The following LRP1B variants were observed in gnomAD, a reference collection of about 807,000 sequenced individuals.
LRP1B encodes LDL receptor related protein 1B.
Under a neutral mutation model 556.6 loss-of-function variants are expected in LRP1B, and 217 were observed. That is an observed-to-expected ratio of 0.39 (90% CI 0.35 to 0.44). The LOEUF (loss-of-function observed/expected upper bound fraction) is 0.44, where lower values mean the gene tolerates loss of function less well. Among genes scored for constraint, LRP1B ranks in the 20% least tolerant of loss-of-function variants. LRP1B has a pLI of 1.00. For synonymous variants in LRP1B, 2,047 were observed against 1,865.8 expected, an observed-to-expected ratio of 1.10 and a Z score of -2.50; for missense variants, 5,053 against 5,620.8, an observed-to-expected ratio of 0.90 and a Z score of 3.23.
chr2:141,106,241 T>C (rs534687649), intron 7 of LRP1B, among the ~76,000 whole-genome samples: 36 of 152,330 alleles, frequency 2.4e-4, no homozygotes, highest in African/African-American at 7.9e-4. Flanking sequence ...CTTCATTTTG[T>C]ATTCTAAATA....
At chr2:141,098,687 C>T (rs1444995687) in intron 7 of LRP1B, among the ~76,000 whole-genome samples, 1 of 151,182 alleles carries the variant, frequency 6.6e-6, no homozygotes, top group African/African-American at 2.4e-5. Flanking sequence ...GACGGAGTTT[C>T]ACTCTTGTTG....
intron 3 of LRP1B, among the ~76,000 whole-genome samples, chr2:141,311,786 G>A (rs2105450253): frequency 6.6e-6 from 1 of 152,234 alleles, no homozygotes; most frequent in East Asian, 1.9e-4. Context: ...AGAATTGTAA[G>A]AATAAATTTA....
chr2:140,682,634 G>A (rs1331760282), intron 41 of LRP1B, among the ~76,000 whole-genome samples: 4 of 151,818 alleles, frequency 2.6e-5, no homozygotes, highest in Non-Finnish European at 4.4e-5. Flanking sequence ...AATCATTTGT[G>A]GGAACTGGAA....
intron 1 of LRP1B, among the ~76,000 whole-genome samples, chr2:142,050,713 C>T (rs1181573994): frequency 6.6e-6 from 1 of 152,120 alleles, no homozygotes; most frequent in Non-Finnish European, 1.5e-5. Flanking sequence ...AAGTAAAACT[C>T]CCACCTATGC....
intron 3 of LRP1B, among the ~76,000 whole-genome samples, chr2:141,468,881 G>T (rs1016899573): frequency 6.6e-6 from 1 of 152,050 alleles, no homozygotes; most frequent in African/African-American, 2.4e-5. Flanking sequence ...TCAAGCCTTG[G>T]CTCGCAAGCA....
intron 7 of LRP1B, among the ~76,000 whole-genome samples, chr2:141,102,348 T>C (rs533501585): frequency 2.8e-4 from 42 of 152,316 alleles, no homozygotes; most frequent in African/African-American, 1.0e-3. Context: ...CAGGTCATAC[T>C]ATGAGCCTAA....
At chr2:141,097,383 T>C (rs1192968174) in intron 7 of LRP1B, among the ~76,000 whole-genome samples, 1 of 152,120 alleles carries the variant, frequency 6.6e-6, no homozygotes, top group African/African-American at 2.4e-5. Flanking sequence ...ACCAAAAGCT[T>C]CTATTAAGCA....
At chr2:141,237,532 T>C (rs1450788964) in intron 5 of LRP1B, among the ~76,000 whole-genome samples, 1 of 152,038 alleles carries the variant, frequency 6.6e-6, no homozygotes, top group Admixed American at 6.6e-5. Context: ...ATCTTTGGCA[T>C]TGTAAAAACT....
At chr2:140,998,022 A>G (rs538800670) in intron 15 of LRP1B, among the ~76,000 whole-genome samples, 3 of 152,134 alleles carry the variant, frequency 2.0e-5, no homozygotes, top group African/African-American at 7.2e-5. Flanking sequence ...ACTGCCTTAA[A>G]CTTTTTACTA....
At chr2:141,957,825 G>A (rs1286541166) in intron 1 of LRP1B, among the ~76,000 whole-genome samples, 2 of 152,058 alleles carry the variant, frequency 1.3e-5, no homozygotes, top group South Asian at 2.1e-4. Context: ...GATTTTGCCA[G>A]CACAGATCAT....
chr2:141,363,319 G>A (rs1688904294), intron 3 of LRP1B, among the ~76,000 whole-genome samples: 1 of 152,132 alleles, frequency 6.6e-6, no homozygotes, highest in African/African-American at 2.4e-5. Context: ...CTGAGCTTTA[G>A]AATATTTTAT....
At chr2:140,554,854 A>ATGTT (rs1680669588) in intron 43 of LRP1B, among the ~76,000 whole-genome samples, 1 of 146,006 alleles carries the variant, frequency 6.8e-6, no homozygotes, top group African/African-American at 2.5e-5. Context: ...AAGTGTGTGT[A>ATGTT]TGTGTGTGTG....
chr2:140,905,093 A>C (rs1288787543), intron 22 of LRP1B, among the ~76,000 whole-genome samples: 2 of 152,130 alleles, frequency 1.3e-5, no homozygotes, highest in African/African-American at 4.8e-5. Context: ...TACCTGACAA[A>C]GACTCTGTCC....
Position 140,409,826 on chromosome 2 carries a change from C to G in LRP1B, c.10415-23817G>C, listed in dbSNP as rs138514755. ...TGCCATCTGGTTCTAATATCTACAT[C>G]ATAAACCATTCTGAAACTGTAACAT... On this transcript the variant is annotated intron_variant, in intron 66 of 90. Transcript: ENST00000389484. Among the ~76,000 whole-genome samples the G allele has an allele frequency of 3.5e-3, 526 of 152,130 alleles. 4 individuals carry two copies. The highest frequency in any genetic ancestry group is 0.012 in the African/African-American group (509 of 41,524).
intron 7 of LRP1B, among the ~76,000 whole-genome samples, chr2:141,134,062 C>T (rs1558883583): frequency 6.6e-6 from 1 of 151,844 alleles, no homozygotes; most frequent in Non-Finnish European, 1.5e-5. Flanking sequence ...TACCACCATG[C>T]ACTCAGTCAC....
intron 32 of LRP1B, among the ~76,000 whole-genome samples, chr2:140,809,778 G>A (rs1181205562): frequency 6.6e-6 from 1 of 152,140 alleles, no homozygotes; most frequent in Non-Finnish European, 1.5e-5. Context: ...TTACTTTATA[G>A]CTGTTGGCTT....
intron 79 of LRP1B, among the ~76,000 whole-genome samples, chr2:140,326,496 C>T (rs560831993): frequency 5.9e-5 from 9 of 151,494 alleles, no homozygotes; most frequent in East Asian, 3.9e-4. Flanking sequence ...GAGCCTGAGG[C>T]GGGACGGTCA....
intron 2 of LRP1B, among the ~76,000 whole-genome samples, chr2:141,618,631 A>T (rs1240024644): frequency 1.3e-5 from 2 of 152,208 alleles, no homozygotes; most frequent in Non-Finnish European, 2.9e-5. Flanking sequence ...GTAAGTCAGG[A>T]TGCCACTACA....
intron 84 of LRP1B, among the ~76,000 whole-genome samples, chr2:140,290,375 A>G (rs181456089): frequency 6.6e-6 from 1 of 152,228 alleles, no homozygotes; most frequent in East Asian, 1.9e-4. Context: ...GTGCTGCATT[A>G]ATCCAGACAA....
Sources: allele counts gnomAD v4.1 joint callset (sites outside exome capture counted in the v4.1 genomes callset), GRCh38; gene constraint gnomAD v4.1.1; transcripts MANE v1.5; gene names NCBI Gene and HGNC (gene_info 2026-07-23, HGNC 2026-07-21).